Variants in RGS12 observed in about 807,000 individuals in gnomAD.
RGS12 encodes regulator of G protein signaling 12, also known as regulator of G-protein signaling 12.
In RGS12, 66 loss-of-function variants were observed where a neutral mutation model predicts 120.1. That is an observed-to-expected ratio of 0.55 (90% CI 0.45 to 0.67). The LOEUF (loss-of-function observed/expected upper bound fraction) is 0.67, where lower values mean the gene tolerates loss of function less well. RGS12 is among the 30% of genes least tolerant of loss of function. RGS12 has a pLI of 0.00. For missense variants in RGS12, 1,859 were observed against 1,957.7 expected (o/e 0.95, Z 0.95); for synonymous variants, 827 against 804.7 (o/e 1.03, Z -0.47).
chr4:3,409,619 GC>G (rs1311958583), intron 4 of RGS12, among the ~76,000 whole-genome samples: 1 of 152,246 alleles, frequency 6.6e-6, no homozygotes, highest in East Asian at 1.9e-4. Flanking sequence ...GGGCCCGGGG[GC>G]TGGTGTGGGA....
rs534822441 is a variant in RGS12 at position 3,436,687 on chromosome 4, A to G, written c.4115-2768A>G. Among the ~76,000 whole-genome samples, 79 of 152,340 alleles carry G rather than the reference A, an allele frequency of 5.2e-4. 6 individuals are homozygous for G. In the South Asian group the frequency reaches 0.012, roughly 24 times the overall value. On this transcript the variant is annotated intron_variant, in intron 17 of 17. Coordinates refer to ENST00000336727, the MANE Select transcript of RGS12 (RefSeq NM_001394154.1). The stretch of plus-strand genomic sequence containing the variant: ...TCCTGCCCCAGGCCTAGGCCAGAGC[A>G]GCTGGCAGTGGCTGGCACAGAGACA...
chr4:3,342,160 G>A (rs183266560), intron 2 of RGS12, among the ~76,000 whole-genome samples: 1 of 152,002 alleles, frequency 6.6e-6, no homozygotes, highest in South Asian at 2.1e-4. Context: ...TAGCTGCAGA[G>A]CCTCAAAATC....
At chr4:3,388,397 G>C (rs1298237152) in intron 4 of RGS12, among the ~76,000 whole-genome samples, 3 of 152,242 alleles carry the variant, frequency 2.0e-5, no homozygotes, top group African/African-American at 7.2e-5. Flanking sequence ...AAAAGAGCCA[G>C]TTATCTTGTT....
At chr4:3,409,032 G>C (rs1028295421) in intron 4 of RGS12, among the ~76,000 whole-genome samples, 1 of 152,184 alleles carries the variant, frequency 6.6e-6, no homozygotes, top group African/African-American at 2.4e-5. Context: ...CTTGGAAATG[G>C]TTTATTTGCA....
At chr4:3,292,950 G>GC (rs1171564698), upstream of RGS12, 6 of 146,298 alleles carry the variant, frequency 4.1e-5, no homozygotes, top group East Asian at 2.0e-4. Context: ...CACCAGGTTC[G>GC]CCCCGCCCCT....
At chr4:3,324,531 A>C in intron 2 of RGS12, 1 of 168,244 alleles carries the variant, frequency 5.9e-6, no homozygotes, top group Non-Finnish European at 1.3e-5. Context: ...TGAACCAGTC[A>C]ATCACAGGAG....
intron 2 of RGS12, among the ~76,000 whole-genome samples, chr4:3,335,466 C>T (rs920284809): frequency 5.9e-5 from 9 of 152,208 alleles, no homozygotes; most frequent in African/African-American, 2.2e-4. Context: ...ATGACACCGA[C>T]AGGGTCTCCG....
intron 3 of RGS12, among the ~76,000 whole-genome samples, chr4:3,352,620 G>A (rs920696285): frequency 1.3e-5 from 2 of 152,170 alleles, no homozygotes; most frequent in East Asian, 3.8e-4. Flanking sequence ...TTACATAATC[G>A]TTTTGAGATA....
intron 4 of RGS12, among the ~76,000 whole-genome samples, chr4:3,400,919 C>G (rs910705264): frequency 2.6e-5 from 4 of 151,660 alleles, no homozygotes; most frequent in Non-Finnish European, 5.9e-5. Context: ...TGTTCTCTAT[C>G]TCAGCAACTG....
chr4:3,287,465 G>A, the RGS12 span, among the ~76,000 whole-genome samples: 4 of 152,348 alleles, frequency 2.6e-5, no homozygotes, highest in East Asian at 1.9e-4. Flanking sequence ...TTTCAAAGCC[G>A]GGTCCCACAG....
chr4:3,325,188 G>A (rs1269880701), intron 2 of RGS12, among the ~76,000 whole-genome samples: 1 of 152,170 alleles, frequency 6.6e-6, no homozygotes, highest in African/African-American at 2.4e-5. Flanking sequence ...GTAAAGGATA[G>A]GATTCCTTGG....
At chr4:3,428,240 C>T (rs770348683) in intron 15 of RGS12, 71 bp downstream of exon 15, 13 of 1,349,876 alleles carry the variant, frequency 9.6e-6, no homozygotes, top group Middle Eastern at 1.8e-4. Context: ...CTGCGCAGTG[C>T]CCTGGTGCTT....
chr4:3,396,943 C>A (rs1051470569), intron 4 of RGS12, among the ~76,000 whole-genome samples: 1 of 151,556 alleles, frequency 6.6e-6, no homozygotes, highest in Admixed American at 6.6e-5. Context: ...TGTAATTATA[C>A]ATATGTGATC....
intron 3 of RGS12, among the ~76,000 whole-genome samples, chr4:3,371,113 C>T (rs1179718478): frequency 6.6e-6 from 1 of 152,150 alleles, no homozygotes; most frequent in Non-Finnish European, 1.5e-5. Flanking sequence ...GGAAAATGAG[C>T]CGCGTCCTTC....
chr4:3,416,943 A>C lies in RGS12; in HGVS notation c.2458A>C (p.Thr820Pro). 6.2e-7 allele frequency: 1 copy of C among 1,609,010 alleles called. No individual in the cohort carries two copies. The highest frequency in any genetic ancestry group is 8.5e-7 in the Non-Finnish European group (1 of 1,176,210). The stretch of plus-strand genomic sequence containing the variant: ...CAATCTCATGAAGTTTGATAGCTAC[A>C]CTCGCTTTCTGAAGTCCCCGCTGTA... ...IFNLMKFDSYTRFLKSPLYQE... is the reference protein window; with the variant it reads ...IFNLMKFDSYPRFLKSPLYQE... Residue 820 changes from threonine to proline, a missense_variant, in exon 8 of 18, where the codon ACT becomes CCT. This residue lies in a region of RGS12 where 375 missense variants were observed against 475.0 expected (regional missense o/e 0.79). Transcript: ENST00000336727.
At chr4:3,304,008 T>C (rs1463919586) in intron 1 of RGS12, among the ~76,000 whole-genome samples, 1 of 152,236 alleles carries the variant, frequency 6.6e-6, no homozygotes, top group African/African-American at 2.4e-5. Context: ...ACTGAGTCGC[T>C]GTGCTGCTGC....
chr4:3,363,044 G>A (rs1472132501), intron 3 of RGS12, among the ~76,000 whole-genome samples: 4 of 150,878 alleles, frequency 2.7e-5, no homozygotes, highest in Non-Finnish European at 3.0e-5. Flanking sequence ...GGAACGCGAG[G>A]GTGTATGTGT....
intron 4 of RGS12, among the ~76,000 whole-genome samples, chr4:3,411,224 C>T (rs9790656): frequency 0.25 from 37,004 of 147,642 alleles, 4,830 homozygotes; most frequent in East Asian, 0.43. Context: ...ACCCCACTCA[C>T]TACCCTGACC....
At position 3,415,885 on chromosome 4, in the gene RGS12, A is replaced by G; in HGVS notation, c.2284-93A>G. On this transcript the variant is annotated intron_variant, in intron 6 of 17. Coordinates refer to ENST00000336727, the MANE Select transcript of RGS12 (RefSeq NM_001394154.1). ...TATTTACTGGGGCCCGTGAGAACAC[A>G]TCTGTAGAGCCCGGGGGTGTCGGGC... The G allele has an allele frequency of 2.9e-6, 4 of 1,392,882 alleles. No homozygotes were observed. In the East Asian group the frequency reaches 7.5e-5, roughly 26 times the overall value. 86.3% of individuals were successfully genotyped at this position (1,392,882 alleles called of 1,614,324 possible). A position where few individuals can be genotyped will look rare whatever the true frequency, so the allele number is the denominator to read the frequency against.
Sources: gnomAD v4.1 joint callset for allele counts (sites outside exome capture counted in the v4.1 genomes callset) on GRCh38, gnomAD v4.1.1 for gene constraint, gnomAD v4.1.1 regional missense constraint, MANE v1.5 for transcripts, NCBI Gene and HGNC (gene_info 2026-07-23, HGNC 2026-07-21) for gene names.